The following PDLIM3 variants were observed in gnomAD, a reference collection of about 807,000 sequenced individuals.
The protein encoded by PDLIM3 is PDZ and LIM domain protein 3.
Under a neutral mutation model 37.3 loss-of-function variants are expected in PDLIM3, and 36 were observed. That is an observed-to-expected ratio of 0.97 (90% CI 0.74 to 1.28). PDLIM3 has a LOEUF of 1.28. PDLIM3 is among the 50% of genes most tolerant of loss of function. The pLI is 0.00. For missense variants in PDLIM3, 454 were observed against 485.0 expected (o/e 0.94, Z 0.60); for synonymous variants, 174 against 182.4 (o/e 0.95, Z 0.37).
Position 185,504,702 on chromosome 4 carries a change from AG to A in PDLIM3, c.794-117del. 1.3e-6 allele frequency: 1 copy of A among 777,906 alleles called. No individual in the cohort carries two copies. Among genetic ancestry groups the A allele is most frequent in the Non-Finnish European group, 2.2e-6 (1 of 450,766 alleles). 48.2% of individuals were successfully genotyped at this position (777,906 alleles called of 1,614,324 possible). On this transcript the variant is annotated intron_variant, in intron 6 of 7. Transcript: ENST00000284767. This position sits in a 1 kb window ranked among gnomAD's most constrained non-coding sequence, Gnocchi z 4.7. ...AAGTTGCATCTGCACCGTCATTCCG[AG>A]AGGGGCAGGACTGATGCAATCATAA... is the stretch of plus-strand genomic sequence containing the variant.
At chr4:185,524,912 A>C (rs1251264342) in intron 2 of PDLIM3, 108 bp downstream of exon 2, 23 of 1,085,362 alleles carry the variant, frequency 2.1e-5, no homozygotes, top group Non-Finnish European at 3.0e-5. Flanking sequence ...GTCAGCCAAA[A>C]TACTAGGTCT....
intron 1 of PDLIM3, among the ~76,000 whole-genome samples, chr4:185,532,518 G>A (rs1426046200): frequency 3.3e-5 from 5 of 152,150 alleles, no homozygotes; most frequent in Non-Finnish European, 2.9e-5. Flanking sequence ...GTGTGGTGTG[G>A]GGAAAAATGG....
In PDLIM3 at chr4:185,504,417, A is replaced by G. The variant is rs56274515; in HGVS notation, c.905+58T>C. 0.017 allele frequency: 23,355 copies of G among 1,395,360 alleles called. 528 individuals are homozygous for G. Among genetic ancestry groups the G allele is most frequent in the African/African-American group, 0.11 (7,407 of 70,448 alleles). 86.4% of individuals were successfully genotyped at this position (1,395,360 alleles called of 1,614,324 possible). A position where few individuals can be genotyped will look rare whatever the true frequency, so the allele number is the denominator to read the frequency against. On this transcript the variant is annotated intron_variant, in intron 7 of 7. Coordinates refer to ENST00000284767, the MANE Select transcript of PDLIM3 (RefSeq NM_014476.6). This position sits in a 1 kb window ranked among gnomAD's most constrained non-coding sequence, Gnocchi z 4.7. The stretch of plus-strand genomic sequence containing the variant: ...TTTAGTCTATAAAGTCTTAAAGGAG[A>G]AGAAATGAACTGTCGCCAAGCTGTA...
rs1449080693 is a variant in PDLIM3, at chr4:185,502,132, T to TCCC, written c.*159_*161dup. On this transcript the variant is annotated 3_prime_UTR_variant, in exon 8 of 8. Transcript: ENST00000284767. ...TTTTTTCACATAGCAGGCATTTGCC[T>TCCC]CCCATTCCTTTTCCTCAATAAACAA... 7 of 757,458 alleles carry TCCC rather than the reference T, an allele frequency of 9.2e-6. No homozygotes were observed. The highest frequency in any genetic ancestry group is 1.6e-5 in the Non-Finnish European group (7 of 438,014). The allele number at this position is 757,458 out of a possible 1,614,324, so 46.9% of individuals were successfully genotyped here. A position where few individuals can be genotyped will look rare whatever the true frequency, so the allele number is the denominator to read the frequency against.
Position 185,514,480 on chromosome 4 carries a change from C to T in PDLIM3, c.331-143G>A, listed in dbSNP as rs73016234. On this transcript the variant is annotated intron_variant, in intron 3 of 7. Transcript: ENST00000284767. The surrounding 1 kb of genome is among the most constrained non-coding windows in gnomAD (Gnocchi z 4.0). ...AAGAAAGGCGATGACGGGACCAGGA[C>T]GATGTCTTCTTTCCAACCATCTATC... 10,111 of 1,519,228 alleles carry T rather than the reference C, an allele frequency of 6.7e-3. 536 individuals are homozygous for T. In the African/African-American group the frequency reaches 0.12, roughly 18 times the overall value. The allele number at this position is 1,519,228 out of a possible 1,614,324, so 94.1% of individuals were successfully genotyped here. A position where few individuals can be genotyped will look rare whatever the true frequency, so the allele number is the denominator to read the frequency against.
At chr4:185,512,739 G>A in intron 4 of PDLIM3, 2 of 982,920 alleles carry the variant, frequency 2.0e-6, no homozygotes, top group Non-Finnish European at 2.4e-6. Context: ...GAATGCAAGT[G>A]ATTAATTTTA....
Position 185,502,746 on chromosome 4 carries a change from A to G in PDLIM3, c.906-263T>C, listed in dbSNP as rs549061884. On this transcript the variant is annotated intron_variant, in intron 7 of 7. Coordinates refer to ENST00000284767, the MANE Select transcript of PDLIM3 (RefSeq NM_014476.6). The stretch of plus-strand genomic sequence containing the variant: ...TTTTCAAACAAGTACTTTATAGAAA[A>G]TTTGTAGGATCCTACTTCATGATCT... Among the ~76,000 whole-genome samples, 57 of 152,294 alleles carry G rather than the reference A, an allele frequency of 3.7e-4. 1 individual carries two copies. In the South Asian group the frequency reaches 0.012, roughly 31 times the overall value.
At position 185,534,175 on chromosome 4, in the gene PDLIM3, G is replaced by A. The variant is rs912504694; in HGVS notation, c.93+1167C>T. Among the ~76,000 whole-genome samples, 3 of 152,078 alleles carry A rather than the reference G, an allele frequency of 2.0e-5. No homozygotes were observed. In the South Asian group the frequency reaches 6.2e-4, roughly 32 times the overall value. ...AAACGTTCCATTGTATGCGTCTGTAGGATACACATTTTGACATATTTTTAA... is the reference window on the plus strand; with the variant it reads ...AAACGTTCCATTGTATGCGTCTGTAAGATACACATTTTGACATATTTTTAA... On this transcript the variant is annotated intron_variant, in intron 1 of 7. Coordinates refer to ENST00000284767, the MANE Select transcript of PDLIM3 (RefSeq NM_014476.6).
rs535651539 is a variant in PDLIM3, at chr4:185,501,971, A to G, written c.*323T>C. 2.9e-5 allele frequency: 11 copies of G among 384,602 alleles called. No homozygotes were observed. Among genetic ancestry groups the G allele is most frequent in the African/African-American group, 2.3e-4 (11 of 48,818 alleles). 23.8% of individuals were successfully genotyped at this position (384,602 alleles called of 1,614,324 possible). On this transcript the variant is annotated 3_prime_UTR_variant, in exon 8 of 8. Transcript: ENST00000284767. ...CAAGGAAAGACAATTAGAGTCCTTC[A>G]AATATCTTGATGTTTATGTGTTTGA...
intron 4 of PDLIM3, 134 bp from the exon 5 acceptor site, chr4:185,508,696 A>G (rs2095701990): frequency 1.2e-6 from 1 of 824,528 alleles, no homozygotes; most frequent in East Asian, 2.6e-5. Context: ...ACATCAAAAT[A>G]AAACCAAATC....
In PDLIM3 at chr4:185,514,084, C is replaced by G; in HGVS notation, c.398+186G>C. ...AGCTCTGTCATCTTGTCAATATTTA[C>G]TCTTGGAAATGCAAGTTATTTGGCT... On this transcript the variant is annotated intron_variant, in intron 4 of 7. Coordinates refer to ENST00000284767, the MANE Select transcript of PDLIM3 (RefSeq NM_014476.6). The surrounding 1 kb of genome is among the most constrained non-coding windows in gnomAD (Gnocchi z 4.0). The G allele has an allele frequency of 6.7e-7, 1 of 1,489,216 alleles. No individual in the cohort carries two copies. 92.3% of individuals were successfully genotyped at this position (1,489,216 alleles called of 1,614,324 possible). A position where few individuals can be genotyped will look rare whatever the true frequency, so the allele number is the denominator to read the frequency against.
chr4:185,528,060 A>AAAAACAAAAC (rs772646270), intron 1 of PDLIM3, among the ~76,000 whole-genome samples: 1 of 101,810 alleles, frequency 9.8e-6, no homozygotes, highest in Non-Finnish European at 2.1e-5. Flanking sequence ...TCCTCTCACC[A>AAAAACAAAAC]AAAACAAAAC....
chr4:185,532,707 G>A (rs539793346), intron 1 of PDLIM3, among the ~76,000 whole-genome samples: 4 of 152,318 alleles, frequency 2.6e-5, no homozygotes, highest in South Asian at 2.1e-4. Context: ...GCAAAGACAC[G>A]CATTTCACTC....
Position 185,504,543 on chromosome 4 carries a change from C to T in PDLIM3, c.837G>A (p.Thr279=), listed in dbSNP as rs199895839. The T allele has an allele frequency of 1.3e-5, 21 of 1,614,168 alleles. No homozygotes were observed. Among genetic ancestry groups the T allele is most frequent in the Non-Finnish European group, 1.7e-5 (20 of 1,180,028 alleles). ...AGTRSVRAPV[T]KVHGGSGGAQ... ...CCCCGCCTGAACCGCCATGGACTTT[C>T]GTCACCGGAGCTCTCACACTCCGCG... Residue 279 remains threonine, a synonymous_variant, in exon 7 of 8, where the codon ACG becomes ACA. Transcript: ENST00000284767. This position sits in a 1 kb window ranked among gnomAD's most constrained non-coding sequence, Gnocchi z 4.7.
At chr4:185,529,452 G>C (rs2095739995) in intron 1 of PDLIM3, among the ~76,000 whole-genome samples, 1 of 152,202 alleles carries the variant, frequency 6.6e-6, no homozygotes, top group African/African-American at 2.4e-5. Context: ...AATAGTTATG[G>C]AGCAAGACAA....
chr4:185,534,488 A>C (rs2095749963), intron 1 of PDLIM3, among the ~76,000 whole-genome samples: 1 of 152,246 alleles, frequency 6.6e-6, no homozygotes. Flanking sequence ...AACCAGCTAG[A>C]CCAAATAATG....
chr4:185,510,498 A>C (rs1039702252), intron 4 of PDLIM3, among the ~76,000 whole-genome samples: 2 of 152,208 alleles, frequency 1.3e-5, no homozygotes, highest in African/African-American at 4.8e-5. Context: ...TTTTACAGAT[A>C]AACAGTCTAT....
chr4:185,506,467 G>C, intron 6 of PDLIM3, 55 bp downstream of exon 6: 2 of 1,605,026 alleles, frequency 1.2e-6, no homozygotes, highest in Non-Finnish European at 8.5e-7. Context: ...TCCCCGTCCC[G>C]CCCCCTGCAG....
chr4:185,522,845 C>G (rs555346394), intron 3 of PDLIM3, among the ~76,000 whole-genome samples: 1 of 27,992 alleles, frequency 3.6e-5, no homozygotes, highest in African/African-American at 4.4e-5. Context: ...AGAATATCAC[C>G]ATCATCACAC....
Sources: allele counts gnomAD v4.1 joint callset (sites outside exome capture counted in the v4.1 genomes callset), GRCh38; gene constraint gnomAD v4.1.1; non-coding constraint Gnocchi (gnomAD v3.1); transcripts MANE v1.5; gene names NCBI Gene and HGNC (gene_info 2026-07-23, HGNC 2026-07-21).